Variants in ADAMTS17 observed in about 807,000 individuals in gnomAD.
ADAMTS17 encodes the protein ADAM metallopeptidase with thrombospondin type 1 motif 17.
In ADAMTS17, 113 loss-of-function variants were observed where a neutral mutation model predicts 141.5. The ratio of observed to expected loss-of-function variants is 0.80; its 90% CI spans 0.69 to 0.93. The LOEUF is 0.93. Among genes scored for constraint, ADAMTS17 ranks in the 40% least tolerant of loss-of-function variants. The pLI is 0.00. For synonymous variants in ADAMTS17, 768 were observed against 630.6 expected (o/e 1.22, Z -3.27); for missense variants, 1,659 against 1,517.9 (o/e 1.09, Z -1.54).
intron 15 of ADAMTS17, among the ~76,000 whole-genome samples, chr15:100,077,411 G>A (rs1002580246): frequency 5.4e-5 from 8 of 148,218 alleles, no homozygotes; most frequent in East Asian, 2.0e-4. Flanking sequence ...GCAGTGATCC[G>A]AGATTGTGCA....
At chr15:100,259,975 G>C (rs897053078) in intron 6 of ADAMTS17, among the ~76,000 whole-genome samples, 1 of 152,266 alleles carries the variant, frequency 6.6e-6, no homozygotes, top group East Asian at 1.9e-4. Context: ...CTCCCAAGTA[G>C]CTGGGATTAC....
At chr15:100,218,764 A>G (rs949356477) in intron 7 of ADAMTS17, among the ~76,000 whole-genome samples, 2 of 152,104 alleles carry the variant, frequency 1.3e-5, no homozygotes, top group African/African-American at 4.8e-5. Flanking sequence ...CCCCATAAAA[A>G]CTCAAACATG....
chr15:100,064,885 T>G (rs1273092882), intron 15 of ADAMTS17, among the ~76,000 whole-genome samples: 1 of 152,222 alleles, frequency 6.6e-6, no homozygotes, highest in African/African-American at 2.4e-5. Flanking sequence ...ACAAGCGTAT[T>G]AGGCGTTTGT....
chr15:100,306,653 T>C, intron 3 of ADAMTS17: 1 of 446,458 alleles, frequency 2.2e-6, no homozygotes, highest in Non-Finnish European at 4.5e-6. Context: ...AAATGGCAAT[T>C]TCAAACGACT....
At chr15:100,292,516 TTA>T (rs1261522125) in intron 3 of ADAMTS17, among the ~76,000 whole-genome samples, 7 of 144,626 alleles carry the variant, frequency 4.8e-5, no homozygotes, top group East Asian at 2.1e-4. Flanking sequence ...CCGTGTGAAA[TTA>T]TGAGAGACAC....
intron 15 of ADAMTS17, among the ~76,000 whole-genome samples, chr15:100,070,394 A>G (rs1171073130): frequency 4.0e-5 from 6 of 150,312 alleles, no homozygotes; most frequent in African/African-American, 1.5e-4. Context: ...AAGTGGACCT[A>G]ATAGACATCT....
At chr15:100,067,515 G>C (rs1351543605) in intron 15 of ADAMTS17, among the ~76,000 whole-genome samples, 1 of 152,100 alleles carries the variant, frequency 6.6e-6, no homozygotes, top group Admixed American at 6.5e-5. Context: ...ACTACTCATA[G>C]TTTTGTGTCA....
chr15:100,224,469 C>T (rs1365153519), intron 7 of ADAMTS17, among the ~76,000 whole-genome samples: 1 of 152,144 alleles, frequency 6.6e-6, no homozygotes, highest in Non-Finnish European at 1.5e-5. Context: ...AAGGTTACTA[C>T]ATCATAAATT....
At chr15:100,221,547 T>C (rs1276635743) in intron 7 of ADAMTS17, among the ~76,000 whole-genome samples, 1 of 152,204 alleles carries the variant, frequency 6.6e-6, no homozygotes, top group Non-Finnish European at 1.5e-5. Context: ...TAACGGAAGT[T>C]CTAATATACT....
At chr15:100,108,390 G>T (rs2036538054) in intron 14 of ADAMTS17, among the ~76,000 whole-genome samples, 1 of 152,150 alleles carries the variant, frequency 6.6e-6, no homozygotes, top group Non-Finnish European at 1.5e-5. Context: ...TGGCCAGGCT[G>T]GTCTTGAACT....
intron 20 of ADAMTS17, among the ~76,000 whole-genome samples, chr15:99,983,125 C>T (rs1429386365): frequency 6.6e-6 from 1 of 152,160 alleles, no homozygotes; most frequent in Non-Finnish European, 1.5e-5. Flanking sequence ...ATTGTGCAAG[C>T]GTTACTAGCT....
At chr15:100,092,626 C>G (rs559034126) in intron 15 of ADAMTS17, among the ~76,000 whole-genome samples, 2 of 152,342 alleles carry the variant, frequency 1.3e-5, no homozygotes, top group South Asian at 2.1e-4. Context: ...AGATTCCACA[C>G]CCCACACTAC....
chr15:100,312,399 C>T (rs777545308), intron 3 of ADAMTS17, among the ~76,000 whole-genome samples: 1 of 152,186 alleles, frequency 6.6e-6, no homozygotes, highest in Non-Finnish European at 1.5e-5. Context: ...AGATTCTCCC[C>T]TGGAACCTCC....
At chr15:100,243,467 C>T (rs996052159) in intron 7 of ADAMTS17, among the ~76,000 whole-genome samples, 14 of 152,314 alleles carry the variant, frequency 9.2e-5, no homozygotes, top group African/African-American at 3.1e-4. Flanking sequence ...TCTACATCCT[C>T]GCCAACATTT....
chr15:100,123,816 C>T (rs758517502), intron 12 of ADAMTS17, among the ~76,000 whole-genome samples: 12 of 152,196 alleles, frequency 7.9e-5, no homozygotes, highest in South Asian at 2.1e-4. Flanking sequence ...CAGGAACAGG[C>T]GCCCTGCCCC....
intron 7 of ADAMTS17, among the ~76,000 whole-genome samples, chr15:100,205,491 G>C (rs955709957): frequency 6.6e-6 from 1 of 152,148 alleles, no homozygotes; most frequent in East Asian, 1.9e-4. Context: ...GATGATGCTC[G>C]TGTCAGCAGG....
intron 7 of ADAMTS17, among the ~76,000 whole-genome samples, chr15:100,237,814 G>C (rs1031569285): frequency 2.0e-5 from 3 of 152,168 alleles, no homozygotes; most frequent in Admixed American, 1.3e-4. Context: ...AGTAGAGACA[G>C]GGTTTCACGA....
rs576121619 is a variant in ADAMTS17, at chr15:100,082,655, T to C, written c.2137+13701A>G. Among the ~76,000 whole-genome samples, 32 of 152,204 alleles carry C rather than the reference T, an allele frequency of 2.1e-4. No homozygotes were observed. The Middle Eastern group carries it at 0.01, about 49-fold the overall frequency. On this transcript the variant is annotated intron_variant, in intron 15 of 21. Transcript: ENST00000268070. Reference sequence around the variant, plus strand: ...AGATCTCTTTTTTGTTTTCTGATTGTTCCTTCCCATGGCATTCTGTTCTTG... The same window carrying C: ...AGATCTCTTTTTTGTTTTCTGATTGCTCCTTCCCATGGCATTCTGTTCTTG...
chr15:100,058,256 C>A (rs1346311250), intron 15 of ADAMTS17, among the ~76,000 whole-genome samples: 1 of 98,050 alleles, frequency 1.0e-5, no homozygotes, highest in Non-Finnish European at 2.1e-5. Context: ...CCTCCTATCC[C>A]GGCTCTGACA....
Sources: allele counts gnomAD v4.1 joint callset (sites outside exome capture counted in the v4.1 genomes callset), GRCh38; gene constraint gnomAD v4.1.1; transcripts MANE v1.5; gene names NCBI Gene and HGNC (gene_info 2026-07-23, HGNC 2026-07-21).